Variants in SLC16A7 observed in about 807,000 individuals in gnomAD.
The protein encoded by SLC16A7 is monocarboxylate transporter 2.
SLC16A7 carries 33 observed loss-of-function variants against 34.9 expected under a neutral mutation model. The observed-to-expected ratio is 0.94, with a 90% CI of 0.72 to 1.26. The LOEUF is 1.26. Among genes scored for constraint, SLC16A7 ranks in the 50% most tolerant of loss-of-function variants. The pLI, the probability that SLC16A7 is intolerant of heterozygous loss-of-function variation, is 0.00. For synonymous variants in SLC16A7, 201 were observed against 206.6 expected, an observed-to-expected ratio of 0.97 and a Z score of 0.23; for missense variants, 573 against 578.1, an observed-to-expected ratio of 0.99 and a Z score of 0.09.
At chr12:59,617,957 C>T (rs1300689540) in intron 1 of SLC16A7, among the ~76,000 whole-genome samples, 1 of 151,886 alleles carries the variant, frequency 6.6e-6, no homozygotes, top group Non-Finnish European at 1.5e-5. Flanking sequence ...TTTTTGAACT[C>T]ATTTCCTGGT....
At chr12:59,610,308 T>C (rs1879136157) in intron 1 of SLC16A7, among the ~76,000 whole-genome samples, 1 of 152,148 alleles carries the variant, frequency 6.6e-6, no homozygotes, top group African/African-American at 2.4e-5. Flanking sequence ...ATGAGAAAAA[T>C]GTTGGCAATA....
chr12:59,744,673 A>C (rs1878699198), intron 3 of SLC16A7, among the ~76,000 whole-genome samples: 1 of 152,178 alleles, frequency 6.6e-6, no homozygotes, highest in African/African-American at 2.4e-5. Flanking sequence ...CCACTGAGCT[A>C]TAAATACTTA....
At chr12:59,666,699 G>C (rs1395997375) in intron 2 of SLC16A7, among the ~76,000 whole-genome samples, 2 of 152,158 alleles carry the variant, frequency 1.3e-5, no homozygotes, top group East Asian at 3.9e-4. Flanking sequence ...CACCATGATT[G>C]TGAGGTCTCT....
At chr12:59,716,583 C>T (rs1172619535) in intron 3 of SLC16A7, among the ~76,000 whole-genome samples, 4 of 152,172 alleles carry the variant, frequency 2.6e-5, no homozygotes, top group Admixed American at 6.5e-5. Context: ...TGCAGTGGCT[C>T]ATGCCTGTAA....
chr12:59,637,728 G>A (rs1253746863), intron 1 of SLC16A7, among the ~76,000 whole-genome samples: 5 of 152,140 alleles, frequency 3.3e-5, no homozygotes, highest in African/African-American at 1.2e-4. Flanking sequence ...CAAAGTTCAT[G>A]TGTTGGAAAG....
intron 3 of SLC16A7, among the ~76,000 whole-genome samples, chr12:59,712,636 A>G (rs889878751): frequency 5.3e-5 from 8 of 152,214 alleles, no homozygotes; most frequent in Admixed American, 3.3e-4. Flanking sequence ...AGATTCCTCA[A>G]GAAAAACATT....
At chr12:59,760,649 A>T (rs7959469) in intron 3 of SLC16A7, among the ~76,000 whole-genome samples, 6,431 of 152,138 alleles carry the variant, frequency 0.042, 198 homozygotes, top group South Asian at 0.065. Flanking sequence ...TGTTAACCTG[A>T]TAACTAAGAG....
At chr12:59,662,986 T>G (rs1025279653) in intron 2 of SLC16A7, among the ~76,000 whole-genome samples, 1 of 152,062 alleles carries the variant, frequency 6.6e-6, no homozygotes, top group Non-Finnish European at 1.5e-5. Flanking sequence ...CTTTAAACTT[T>G]TCGAACATGC....
chr12:59,678,937 T>C (rs1195520007), intron 2 of SLC16A7, among the ~76,000 whole-genome samples: 1 of 152,150 alleles, frequency 6.6e-6, no homozygotes, highest in Non-Finnish European at 1.5e-5. Context: ...GTGGCTGGCA[T>C]GTCAGTGCTG....
At chr12:59,616,687 CAA>C (rs1207425043) in intron 1 of SLC16A7, among the ~76,000 whole-genome samples, 2 of 152,118 alleles carry the variant, frequency 1.3e-5, no homozygotes, top group East Asian at 3.9e-4. Flanking sequence ...CAGAATGACA[CAA>C]GAGAACTGGG....
At chr12:59,605,396 G>A (rs1208267787) in intron 1 of SLC16A7, among the ~76,000 whole-genome samples, 1 of 152,150 alleles carries the variant, frequency 6.6e-6, no homozygotes, top group African/African-American at 2.4e-5. Context: ...GAATACGTGG[G>A]AGGTGGCAAG....
At chr12:59,649,352 AGAG>A (rs1868302434) in intron 1 of SLC16A7, among the ~76,000 whole-genome samples, 1 of 152,196 alleles carries the variant, frequency 6.6e-6, no homozygotes, top group Admixed American at 6.5e-5. Flanking sequence ...ATTAGTGATT[AGAG>A]GAAACAGTTT....
intron 3 of SLC16A7, among the ~76,000 whole-genome samples, chr12:59,759,363 A>C (rs1266871211): frequency 1.3e-5 from 2 of 151,964 alleles, no homozygotes; most frequent in Admixed American, 1.3e-4. Context: ...TTCACTGAAT[A>C]AGATTTACTT....
chr12:59,632,483 C>T (rs1268082689), intron 1 of SLC16A7, among the ~76,000 whole-genome samples: 2 of 151,934 alleles, frequency 1.3e-5, no homozygotes, highest in African/African-American at 4.8e-5. Context: ...AGGGAGGCAG[C>T]TGGGGCACAA....
rs1343313449 is a variant in SLC16A7 at position 59,775,405 on chromosome 12, A to T, written c.1110A>T (p.Arg370Ser). 6.2e-7 allele frequency: 1 copy of T among 1,613,918 alleles called. No homozygotes were observed. ...TCATGGACCTCGTGGGTGCACCAAGATTTTCCAGTGCCGTCGGACTTGTCA... is the reference window on the plus strand; with the variant it reads ...TCATGGACCTCGTGGGTGCACCAAGTTTTTCCAGTGCCGTCGGACTTGTCA... ...ETLMDLVGAPRFSSAVGLVTI... is the reference protein window; with the variant it reads ...ETLMDLVGAPSFSSAVGLVTI... The change falls in exon 5 of 6, where the codon AGA becomes AGT. Residue 370 changes from arginine (R) to serine (S), a missense_variant. Physicochemically the swap from Arg to Ser is moderately radical, Grantham distance 110. Transcript: ENST00000547379.
chr12:59,704,706 A>G (rs1873356889), intron 2 of SLC16A7, 66 bp from the exon 3 acceptor site: 3 of 757,018 alleles, frequency 4.0e-6, no homozygotes, highest in South Asian at 1.8e-5. Context: ...TATTTTAGTG[A>G]CTATGAAGAG....
intron 2 of SLC16A7, among the ~76,000 whole-genome samples, chr12:59,679,361 TCAGTGGC>T (rs1364846685): frequency 2.0e-5 from 3 of 152,210 alleles, no homozygotes; most frequent in Admixed American, 1.3e-4. Context: ...TGGCATCATG[TCAGTGGC>T]CACTATAGAA....
rs1883259947 is a variant in SLC16A7 at position 59,781,731 on chromosome 12, G to A, written c.*2052G>A. 6.6e-6 allele frequency: 1 copy of A among 152,414 alleles called. No homozygotes were observed. The highest frequency in any genetic ancestry group is 2.4e-5 in the African/African-American group (1 of 41,380). 9.4% of individuals were successfully genotyped at this position (152,414 alleles called of 1,614,324 possible). Reference sequence around the variant, plus strand: ...ATTCAACTCAGATTTGTCAAGAAATGTAACCTCTAAATTGTGTAGTACCTC... The same window carrying A: ...ATTCAACTCAGATTTGTCAAGAAATATAACCTCTAAATTGTGTAGTACCTC... On this transcript the variant is annotated 3_prime_UTR_variant, in exon 6 of 6. Coordinates refer to ENST00000547379, the MANE Select transcript of SLC16A7 (RefSeq NM_001270623.2).
At chr12:59,735,866 A>T in intron 3 of SLC16A7, 1 of 829,698 alleles carries the variant, frequency 1.2e-6, no homozygotes, top group African/African-American at 1.8e-5. Context: ...ACATACCAAC[A>T]TTAGAATAAA....
Sources: gnomAD v4.1 joint callset for allele counts (sites outside exome capture counted in the v4.1 genomes callset) on GRCh38, gnomAD v4.1.1 for gene constraint, MANE v1.5 for transcripts, NCBI Gene and HGNC (gene_info 2026-07-23, HGNC 2026-07-21) for gene names.